LRIG1: variants seen among roughly 807,000 people sequenced by gnomAD.
LRIG1 encodes leucine-rich repeats and immunoglobulin-like domains protein 1.
A neutral mutation model predicts 99.2 loss-of-function variants in LRIG1; 48 were observed. The ratio of observed to expected loss-of-function variants is 0.48; its 90% CI spans 0.38 to 0.62. The LOEUF is 0.62. LRIG1 is among the 20% of genes least tolerant of loss of function. The pLI, the probability that LRIG1 is intolerant of heterozygous loss-of-function variation, is 0.00. For missense variants in LRIG1, 1,646 were observed against 1,434.4 expected (o/e 1.15, Z -2.38); for synonymous variants, 772 against 596.1 (o/e 1.29, Z -4.30).
intron 2 of LRIG1, among the ~76,000 whole-genome samples, chr3:66,452,152 C>G (rs945460147): frequency 6.6e-6 from 1 of 151,316 alleles, no homozygotes; most frequent in African/African-American, 2.4e-5. Context: ...CAGAGACTCT[C>G]TTCCATTTGA....
intron 8 of LRIG1, among the ~76,000 whole-genome samples, chr3:66,406,729 T>G (rs1055946835): frequency 6.6e-6 from 1 of 152,184 alleles, no homozygotes; most frequent in Non-Finnish European, 1.5e-5. Context: ...GCAGCCACTT[T>G]TGCCAACCCC....
chr3:66,500,924 C>G lies in LRIG1; in HGVS notation c.-517G>C, dbSNP rs1355573640. The G allele has an allele frequency of 6.6e-6, 1 of 151,694 alleles. No individual in the cohort carries two copies. The highest frequency in any genetic ancestry group is 2.4e-5 in the African/African-American group (1 of 41,180). 9.4% of individuals were successfully genotyped at this position (151,694 alleles called of 1,614,324 possible). On this transcript the variant is annotated 5_prime_UTR_variant, in exon 1 of 19. Coordinates refer to ENST00000273261, the MANE Select transcript of LRIG1 (RefSeq NM_015541.3). The stretch of plus-strand genomic sequence containing the variant: ...GCGCCTCGCTGTCCCCACGCCGCGG[C>G]CAGAGAGCGCGCGCGCGCGCGCAGC...
intron 3 of LRIG1, among the ~76,000 whole-genome samples, chr3:66,431,231 GC>G (rs1703162501): frequency 6.6e-6 from 1 of 152,206 alleles, no homozygotes; most frequent in Non-Finnish European, 1.5e-5. Context: ...GTTCAGCTCT[GC>G]CCCTTGAGGG....
At position 66,410,216 on chromosome 3, in the gene LRIG1, G is replaced by A. The variant is rs151237960; in HGVS notation, c.848C>T (p.Thr283Met). The change falls in exon 7 of 19, where the codon ACG becomes ATG. Residue 283 changes from threonine (T) to methionine (M), a missense_variant. Transcript: ENST00000273261. ...EVNSGSLYGL[T>M]ALHQLHLSNN... Reference sequence around the variant, plus strand: ...GCTGAGGTGGAGCTGATGCAGGGCCGTGAGGCCGTAGAGCGAGCCGCTGTT... The same window carrying A: ...GCTGAGGTGGAGCTGATGCAGGGCCATGAGGCCGTAGAGCGAGCCGCTGTT... The A allele has an allele frequency of 7.6e-4, 1,228 of 1,614,048 alleles. 10 individuals are homozygous for A. In the African/African-American group the frequency reaches 0.014, roughly 19 times the overall value.
chr3:66,425,839 T>A (rs1702965300), intron 3 of LRIG1, among the ~76,000 whole-genome samples: 2 of 152,342 alleles, frequency 1.3e-5, no homozygotes, highest in African/African-American at 4.8e-5. Flanking sequence ...GTTAAAGGCT[T>A]CAAAAATAAA....
intron 5 of LRIG1, 145 bp from the exon 6 acceptor site, chr3:66,413,159 CCCA>C (rs1702523198): frequency 4.6e-6 from 4 of 877,078 alleles, no homozygotes; most frequent in African/African-American, 1.7e-5. Context: ...TGTAGGGGAG[CCCA>C]CCATGTGTCT....
intron 1 of LRIG1, among the ~76,000 whole-genome samples, chr3:66,493,428 C>A (rs1201655485): frequency 6.6e-6 from 1 of 152,162 alleles, no homozygotes; most frequent in African/African-American, 2.4e-5. Flanking sequence ...TGCAACTGTT[C>A]ATAGCTTCCT....
At chr3:66,398,928 T>G (rs1418683661) in intron 10 of LRIG1, 42 bp downstream of exon 10, 1 of 1,559,658 alleles carries the variant, frequency 6.4e-7, no homozygotes, top group Admixed American at 1.7e-5. Flanking sequence ...GCAGCCGCAT[T>G]CAGCAGGCTG....
At chr3:66,488,280 G>C (rs1701018848) in intron 1 of LRIG1, among the ~76,000 whole-genome samples, 1 of 151,906 alleles carries the variant, frequency 6.6e-6, no homozygotes, top group African/African-American at 2.4e-5. Flanking sequence ...TAGGTAGATG[G>C]GTAAATTTAA....
intron 12 of LRIG1, among the ~76,000 whole-genome samples, chr3:66,393,328 G>A (rs1249691513): frequency 1.3e-5 from 2 of 152,222 alleles, no homozygotes; most frequent in Non-Finnish European, 2.9e-5. Context: ...CTCCTGCTTA[G>A]AGCAAGCAAA....
At chr3:66,433,176 C>A (rs981811637) in intron 3 of LRIG1, among the ~76,000 whole-genome samples, 2 of 152,194 alleles carry the variant, frequency 1.3e-5, no homozygotes, top group Non-Finnish European at 2.9e-5. Flanking sequence ...TCATTGCTTA[C>A]CACCACGCCA....
intron 1 of LRIG1, among the ~76,000 whole-genome samples, chr3:66,471,992 T>C (rs1575717970): frequency 6.6e-6 from 1 of 152,018 alleles, no homozygotes; most frequent in Non-Finnish European, 1.5e-5. Flanking sequence ...TTTCTGAAAA[T>C]GTGATGCAGC....
chr3:66,463,469 C>T (rs929922159), intron 1 of LRIG1, among the ~76,000 whole-genome samples: 15 of 152,174 alleles, frequency 9.9e-5, no homozygotes, highest in Non-Finnish European at 4.4e-5. Flanking sequence ...CTTCATAACC[C>T]AGCCATACCC....
chr3:66,468,080 G>A (rs149744718), intron 1 of LRIG1, among the ~76,000 whole-genome samples: 21 of 152,284 alleles, frequency 1.4e-4, no homozygotes, highest in African/African-American at 5.1e-4. Context: ...GGCTTAAACG[G>A]TATTTATCTA....
At chr3:66,491,568 A>G (rs1701102431) in intron 1 of LRIG1, among the ~76,000 whole-genome samples, 1 of 152,216 alleles carries the variant, frequency 6.6e-6, no homozygotes, top group African/African-American at 2.4e-5. Flanking sequence ...CGCCCTTTGG[A>G]AAAACACAGT....
chr3:66,454,349 T>C (rs1238691901), intron 2 of LRIG1, among the ~76,000 whole-genome samples: 1 of 152,192 alleles, frequency 6.6e-6, no homozygotes, highest in Non-Finnish European at 1.5e-5. Flanking sequence ...AAATAGAGAC[T>C]GGTCAAAAAT....
chr3:66,439,878 C>T (rs1013644599), intron 3 of LRIG1, among the ~76,000 whole-genome samples: 1 of 152,156 alleles, frequency 6.6e-6, no homozygotes, highest in Admixed American at 6.5e-5. Flanking sequence ...CACGCTGTGG[C>T]TAACTGCACA....
At chr3:66,421,979 C>A (rs901931244) in intron 3 of LRIG1, among the ~76,000 whole-genome samples, 3 of 152,236 alleles carry the variant, frequency 2.0e-5, no homozygotes, top group Non-Finnish European at 2.9e-5. Context: ...GGCTTCCACC[C>A]TTTGAAGCCA....
At chr3:66,415,532 A>G (rs1473654789) in intron 4 of LRIG1, among the ~76,000 whole-genome samples, 1 of 152,226 alleles carries the variant, frequency 6.6e-6, no homozygotes, top group East Asian at 1.9e-4. Flanking sequence ...GTCTTGCTAT[A>G]TGAACTACAT....
Sources: gnomAD v4.1 joint callset for allele counts (sites outside exome capture counted in the v4.1 genomes callset) on GRCh38, gnomAD v4.1.1 for gene constraint, MANE v1.5 for transcripts, NCBI Gene and HGNC (gene_info 2026-07-23, HGNC 2026-07-21) for gene names.